COBL: variants seen among roughly 807,000 people sequenced by gnomAD.
The protein encoded by COBL is protein cordon-bleu.
A neutral mutation model predicts 98.8 loss-of-function variants in COBL; 51 were observed. The ratio of observed to expected loss-of-function variants is 0.52; its 90% CI spans 0.41 to 0.65. The LOEUF (loss-of-function observed/expected upper bound fraction) is 0.65, where lower values mean the gene tolerates loss of function less well. Among genes scored for constraint, COBL ranks in the 30% least tolerant of loss-of-function variants. COBL has a pLI of 0.00. For synonymous variants in COBL, 634 were observed against 651.7 expected, an observed-to-expected ratio of 0.97 and a Z score of 0.41; for missense variants, 1,617 against 1,617.5, an observed-to-expected ratio of 1.00 and a Z score of 0.01.
At chr7:51,266,405 C>T (rs577826219) in intron 1 of COBL, among the ~76,000 whole-genome samples, 1 of 147,996 alleles carries the variant, frequency 6.8e-6, no homozygotes, top group South Asian at 2.1e-4. Flanking sequence ...ATGGAGAAAC[C>T]CCATCTCTAC....
At chr7:51,245,230 C>T (rs931766825) in intron 1 of COBL, among the ~76,000 whole-genome samples, 3 of 152,178 alleles carry the variant, frequency 2.0e-5, no homozygotes, top group African/African-American at 7.2e-5. Flanking sequence ...GCTTTCACAT[C>T]TCCAGAGTCT....
chr7:51,229,249 C>T (rs1794492275), intron 1 of COBL, among the ~76,000 whole-genome samples: 1 of 152,204 alleles, frequency 6.6e-6, no homozygotes, highest in Admixed American at 6.5e-5. Flanking sequence ...AATGTGCCAC[C>T]CGATGCAGCT....
intron 6 of COBL, among the ~76,000 whole-genome samples, chr7:51,102,789 T>A (rs1234916024): frequency 6.6e-6 from 1 of 152,210 alleles, no homozygotes; most frequent in Non-Finnish European, 1.5e-5. Flanking sequence ...GTCTCCTCAG[T>A]GCCAAGGCCC....
At chr7:51,182,778 T>C (rs1257421196) in intron 5 of COBL, among the ~76,000 whole-genome samples, 1 of 152,062 alleles carries the variant, frequency 6.6e-6, no homozygotes, top group Non-Finnish European at 1.5e-5. Context: ...TGCAGAAACA[T>C]GGAGAAAAGC....
intron 6 of COBL, 47 bp from the exon 7 acceptor site, chr7:51,085,351 A>G (rs965862632): frequency 2.9e-5 from 14 of 483,356 alleles, no homozygotes; most frequent in Non-Finnish European, 3.8e-5. Flanking sequence ...CTTTGTACCT[A>G]TGAAGTACAA....
At chr7:51,120,157 C>A (rs1292171565) in intron 6 of COBL, among the ~76,000 whole-genome samples, 1 of 152,108 alleles carries the variant, frequency 6.6e-6, no homozygotes, top group African/African-American at 2.4e-5. Flanking sequence ...TCCTTTATAA[C>A]TCTAGCTTGC....
intron 7 of COBL, among the ~76,000 whole-genome samples, chr7:51,047,730 C>T (rs1033210232): frequency 6.6e-6 from 1 of 152,172 alleles, no homozygotes; most frequent in Non-Finnish European, 1.5e-5. Flanking sequence ...CCCACGGCCA[C>T]TCACAACCAA....
intron 2 of COBL, among the ~76,000 whole-genome samples, chr7:51,196,809 G>C (rs1443343533): frequency 6.6e-6 from 1 of 151,928 alleles, no homozygotes; most frequent in Non-Finnish European, 1.5e-5. Context: ...TCTAGTTTAT[G>C]TGCATAGAAG....
chr7:51,215,412 T>C (rs929131983), intron 2 of COBL, among the ~76,000 whole-genome samples: 3 of 152,170 alleles, frequency 2.0e-5, no homozygotes, highest in Non-Finnish European at 4.4e-5. Flanking sequence ...CCCACACAAA[T>C]AAAGCCTTAA....
intron 1 of COBL, among the ~76,000 whole-genome samples, chr7:51,245,916 C>A (rs1345024423): frequency 6.6e-6 from 1 of 152,026 alleles, no homozygotes; most frequent in East Asian, 1.9e-4. Flanking sequence ...TGCAGAGTAA[C>A]TTGAAATTTT....
intron 6 of COBL, among the ~76,000 whole-genome samples, chr7:51,105,270 G>A (rs966454831): frequency 3.9e-5 from 6 of 152,188 alleles, no homozygotes; most frequent in Non-Finnish European, 7.3e-5. Flanking sequence ...GGGTGAATGC[G>A]TGTTTCTCAC....
At chr7:51,167,247 A>C (rs1006374322) in intron 5 of COBL, among the ~76,000 whole-genome samples, 36 of 152,328 alleles carry the variant, frequency 2.4e-4, no homozygotes, top group African/African-American at 8.4e-4. Flanking sequence ...AAATTCAGTA[A>C]TGTTGCAGGA....
rs754192469 is a variant in COBL at position 51,193,512 on chromosome 7, C to T, written c.323G>A (p.Arg108Gln). The T allele has an allele frequency of 9.3e-6, 15 of 1,613,984 alleles. No homozygotes were observed. The highest frequency in any genetic ancestry group is 2.7e-5 in the African/African-American group (2 of 74,900). ...CAAAGGTTGTTGGGTTTCTGAAGAC[C>T]GAATTTCAAGGGCATGGTGGGATGG... The part of the protein sequence containing the change: ...LNPSHHALEI[R>Q]SSETQQPLSF... The change falls in exon 3 of 13, where the codon CGG becomes CAG. Residue 108 changes from arginine (R) to glutamine (Q), a missense_variant. By Grantham distance (43) the Arg-to-Gln change is conservative. Around this residue, in one of 3 missense-constraint regions of COBL, gnomAD observed 238 missense variants for 215.0 expected, o/e 1.11. Transcript: ENST00000265136.
chr7:51,198,139 G>A (rs1213841699), intron 2 of COBL, among the ~76,000 whole-genome samples: 1 of 152,122 alleles, frequency 6.6e-6, no homozygotes, highest in Non-Finnish European at 1.5e-5. Flanking sequence ...GTTAGTAGCT[G>A]GTAATGGTGT....
intron 6 of COBL, among the ~76,000 whole-genome samples, chr7:51,114,030 T>C (rs1797062123): frequency 1.3e-5 from 2 of 152,206 alleles, no homozygotes; most frequent in South Asian, 4.1e-4. Context: ...AATTAGATAT[T>C]TTAAAATGTG....
At chr7:51,247,103 C>T (rs955905897) in intron 1 of COBL, among the ~76,000 whole-genome samples, 1 of 152,244 alleles carries the variant, frequency 6.6e-6, no homozygotes, top group Non-Finnish European at 1.5e-5. Context: ...TGCACCCTTC[C>T]ATGCCCAAGG....
chr7:51,302,095 A>T (rs112836899), intron 1 of COBL, among the ~76,000 whole-genome samples: 4 of 152,124 alleles, frequency 2.6e-5, no homozygotes, highest in African/African-American at 9.6e-5. Flanking sequence ...GCCCCATCCT[A>T]GGAGGTGCTT....
At chr7:51,186,194 G>A (rs777246307) in intron 4 of COBL, among the ~76,000 whole-genome samples, 3 of 152,218 alleles carry the variant, frequency 2.0e-5, no homozygotes, top group Non-Finnish European at 2.9e-5. Context: ...TATAACCAAG[G>A]ATGTTTCTAG....
At chr7:51,269,097 G>T (rs1389855695) in intron 1 of COBL, among the ~76,000 whole-genome samples, 3 of 152,100 alleles carry the variant, frequency 2.0e-5, no homozygotes, top group Non-Finnish European at 4.4e-5. Context: ...AGCAGGCTCT[G>T]TATAGCTGCT....
Sources: allele counts gnomAD v4.1 joint callset (sites outside exome capture counted in the v4.1 genomes callset), GRCh38; gene constraint gnomAD v4.1.1; regional missense constraint gnomAD v4.1.1; transcripts MANE v1.5; gene names NCBI Gene and HGNC (gene_info 2026-07-23, HGNC 2026-07-21).